FAM83B: variants seen among roughly 807,000 people sequenced by gnomAD.
The protein encoded by FAM83B is scaffolding CK1 anchoring protein B.
Under a neutral mutation model 38.8 loss-of-function variants are expected in FAM83B, and 26 were observed. The observed-to-expected ratio is 0.67, with a 90% CI of 0.49 to 0.93. The LOEUF (loss-of-function observed/expected upper bound fraction) is 0.93. Among genes scored for constraint, FAM83B ranks in the 40% least tolerant of loss-of-function variants. The pLI is 0.00. For missense variants in FAM83B, 1,237 were observed against 1,197.3 expected (o/e 1.03, Z -0.49); for synonymous variants, 419 against 423.1 (o/e 0.99, Z 0.12).
intron 1 of FAM83B, among the ~76,000 whole-genome samples, chr6:54,862,101 T>A (rs1044548408): frequency 1.3e-5 from 2 of 152,192 alleles, no homozygotes; most frequent in Non-Finnish European, 2.9e-5. Flanking sequence ...TTTGTTTTCG[T>A]ATTCCAGCCG....
Position 54,941,946 on chromosome 6 carries a change from A to G in FAM83B, c.2975A>G (p.Asn992Ser), listed in dbSNP as rs373910537. ...NTGVYRSYQP[N>S]ENKFRGFMQK... ...GGTGTTTATCGCTCATATCAACCCA[A>G]TGAGAACAAGTTTCGAGGATTTATG... Residue 992 changes from asparagine (N) to serine (S), a missense_variant, in exon 5 of 5, where the codon AAT becomes AGT. Transcript: ENST00000306858. 9.9e-6 allele frequency: 16 copies of G among 1,612,380 alleles called. No individual in the cohort carries two copies. The Admixed American group carries it at 1.2e-4, about 12-fold the overall frequency.
intron 2 of FAM83B, among the ~76,000 whole-genome samples, chr6:54,875,313 C>T (rs1771964483): frequency 6.6e-6 from 1 of 152,110 alleles, no homozygotes; most frequent in South Asian, 2.1e-4. Context: ...GCAACCATGT[C>T]CTGCCCAGCT....
rs373354993 is a variant in FAM83B at position 54,940,647 on chromosome 6, G to A, written c.1676G>A (p.Cys559Tyr). 1.9e-6 allele frequency: 3 copies of A among 1,613,998 alleles called. No individual in the cohort carries two copies. ...TLPEQKEVNS[C>Y]TTGSSNSTII... ...CCTGAGCAAAAGGAAGTTAACAGTT[G>A]TACAACTGGCTCCTCAAATTCAACT... The change falls in exon 5 of 5, where the codon TGT becomes TAT. Residue 559 changes from cysteine to tyrosine, a missense_variant. Cys to Tyr is a radical substitution (Grantham distance 194). Transcript: ENST00000306858.
chr6:54,943,230 T>G lies in FAM83B; in HGVS notation c.*1223T>G, dbSNP rs1773743529. On this transcript the variant is annotated 3_prime_UTR_variant, in exon 5 of 5. Coordinates refer to ENST00000306858, the MANE Select transcript of FAM83B (RefSeq NM_001010872.3). ...AATATGATATGACTGCATAGTGTTTTTGTAAGAATACCATTGGGAAAATGA... is the reference window on the plus strand; with the variant it reads ...AATATGATATGACTGCATAGTGTTTGTGTAAGAATACCATTGGGAAAATGA... 1 of 151,880 alleles carries G rather than the reference T, an allele frequency of 6.6e-6. No individual in the cohort carries two copies. The highest frequency in any genetic ancestry group is 6.6e-5 in the Admixed American group (1 of 15,262). 9.4% of individuals were successfully genotyped at this position (151,880 alleles called of 1,614,324 possible).
intron 4 of FAM83B, among the ~76,000 whole-genome samples, chr6:54,938,657 T>G (rs1310303472): frequency 6.6e-6 from 1 of 152,194 alleles, no homozygotes; most frequent in Non-Finnish European, 1.5e-5. Context: ...TGTTGGTCAT[T>G]TGTATATTTT....
rs78626209 is a variant in FAM83B at position 54,875,273 on chromosome 6, G to A, written c.444+4583G>A. The stretch of plus-strand genomic sequence containing the variant: ...TGATAGAAATGATTTTTATTGTGTC[G>A]TGATATGTTACTTTCATCCGCATCC... On this transcript the variant is annotated intron_variant, in intron 2 of 4. Transcript: ENST00000306858. Among the ~76,000 whole-genome samples the A allele has an allele frequency of 6.2e-3, 945 of 152,074 alleles. 10 individuals are homozygous for A. Among genetic ancestry groups the A allele is most frequent in the African/African-American group, 0.021 (865 of 41,504 alleles).
chr6:54,940,163 C>T lies in FAM83B; in HGVS notation c.1192C>T (p.Pro398Ser). ...TGCTGGGGAACAGCCAGAAACAGTG[C>T]CATACCTCCTGCTTAATAGGGCTCT... ...SYAGEQPETVPYLLLNRALNR... is the reference protein window; with the variant it reads ...SYAGEQPETVSYLLLNRALNR... Residue 398 changes from proline (P) to serine (S), a missense_variant, in exon 5 of 5, where the codon CCA becomes TCA. Transcript: ENST00000306858. 3 of 1,614,016 alleles carry T rather than the reference C, an allele frequency of 1.9e-6. No individual in the cohort carries two copies. Among genetic ancestry groups the T allele is most frequent in the Non-Finnish European group, 2.5e-6 (3 of 1,179,998 alleles).
rs368876321 is a variant in FAM83B, at chr6:54,940,497, C to A, written c.1526C>A (p.Pro509Gln). The A allele has an allele frequency of 1.9e-6, 3 of 1,614,054 alleles. No individual in the cohort carries two copies. Among genetic ancestry groups the A allele is most frequent in the Non-Finnish European group, 2.5e-6 (3 of 1,180,008 alleles). ...SYLNDHSEAT[P>Q]DSNGSALGDR... Reference sequence around the variant, plus strand: ...TTAAATGATCATTCAGAAGCTACACCGGACTCAAATGGATCAGCTTTAGGT... The same window carrying A: ...TTAAATGATCATTCAGAAGCTACACAGGACTCAAATGGATCAGCTTTAGGT... Residue 509 changes from proline (P) to glutamine (Q), a missense_variant, in exon 5 of 5, where the codon CCG (proline) becomes CAG (glutamine). Coordinates refer to ENST00000306858, the MANE Select transcript of FAM83B (RefSeq NM_001010872.3).
At chr6:54,860,731 A>AGT (rs941058207) in intron 1 of FAM83B, among the ~76,000 whole-genome samples, 5 of 152,244 alleles carry the variant, frequency 3.3e-5, no homozygotes, top group Admixed American at 6.5e-5. Flanking sequence ...ATTATGTGTA[A>AGT]GTGTGTGTAT....
Position 54,939,876 on chromosome 6 carries a change from A to G in FAM83B, c.905A>G (p.Glu302Gly). The change falls in exon 5 of 5, where the codon GAA becomes GGA. Residue 302 changes from glutamate to glycine, a missense_variant. Coordinates refer to ENST00000306858, the MANE Select transcript of FAM83B (RefSeq NM_001010872.3). The part of the protein sequence containing the change: ...ARVKHGKALW[E>G]NGTYQHSVSS... ...GTGAAGCATGGAAAAGCCCTCTGGG[A>G]AAATGGCACTTACCAGCATTCGGTG... 6.2e-7 allele frequency: 1 copy of G among 1,614,070 alleles called. No individual in the cohort carries two copies. The highest frequency in any genetic ancestry group is 8.5e-7 in the Non-Finnish European group (1 of 1,179,980).
chr6:54,882,362 C>T (rs1172135921), intron 2 of FAM83B, among the ~76,000 whole-genome samples: 1 of 152,204 alleles, frequency 6.6e-6, no homozygotes, highest in Non-Finnish European at 1.5e-5. Context: ...TGTATTAACA[C>T]ATTTATCTTC....
Position 54,941,260 on chromosome 6 carries a change from T to A in FAM83B, c.2289T>A (p.Gly763=). Reference sequence around the variant, plus strand: ...TTGCTTCAAAGAAGGAAGTTAAGGGTTCCCCAAGTTTTTTGAAAAAGGGGT... The same window carrying A: ...TTGCTTCAAAGAAGGAAGTTAAGGGATCCCCAAGTTTTTTGAAAAAGGGGT... The part of the protein sequence containing the change: ...KELASKKEVK[G]SPSFLKKGSQ... The change falls in exon 5 of 5, where the codon GGT becomes GGA. Residue 763 remains glycine, a synonymous_variant. Transcript: ENST00000306858. 6.2e-7 allele frequency: 1 copy of A among 1,611,710 alleles called. No individual in the cohort carries two copies. The highest frequency in any genetic ancestry group is 8.5e-7 in the Non-Finnish European group (1 of 1,179,396).
rs917248640 is a variant in FAM83B at position 54,870,192 on chromosome 6, T to A, written c.-55T>A. The stretch of plus-strand genomic sequence containing the variant: ...TTCTTCTTTTCAAATACCAGATACT[T>A]CTCACCACTGCATGAATGGACATTT... On this transcript the variant is annotated 5_prime_UTR_variant, in exon 2 of 5. Transcript: ENST00000306858. 2.9e-6 allele frequency: 4 copies of A among 1,365,112 alleles called. No homozygotes were observed. Among genetic ancestry groups the A allele is most frequent in the Non-Finnish European group, 4.1e-6 (4 of 970,360 alleles). 84.6% of individuals were successfully genotyped at this position (1,365,112 alleles called of 1,614,324 possible). A position where few individuals can be genotyped will look rare whatever the true frequency, so the allele number is the denominator to read the frequency against.
At chr6:54,891,134 C>T (rs1772392353) in intron 2 of FAM83B, among the ~76,000 whole-genome samples, 1 of 152,062 alleles carries the variant, frequency 6.6e-6, no homozygotes, top group Non-Finnish European at 1.5e-5. Context: ...TGCCTTTTAA[C>T]CATTAAACAT....
chr6:54,895,797 G>C (rs1015473333), intron 2 of FAM83B, among the ~76,000 whole-genome samples: 6 of 152,178 alleles, frequency 3.9e-5, no homozygotes, highest in African/African-American at 1.4e-4. Flanking sequence ...CTGGAGTGCA[G>C]TGGGGTGATC....
Position 54,941,920 on chromosome 6 carries a change from T to A in FAM83B, c.2949T>A (p.Thr983=). The change falls in exon 5 of 5, where the codon ACT becomes ACA. Residue 983 remains threonine, a synonymous_variant. Transcript: ENST00000306858. ...GRSSPLLNYN[T]GVYRSYQPNE... ...CTAGTCCATTGCTTAATTACAACACTGGTGTTTATCGCTCATATCAACCCA... is the reference window on the plus strand; with the variant it reads ...CTAGTCCATTGCTTAATTACAACACAGGTGTTTATCGCTCATATCAACCCA... 1 of 1,614,076 alleles carries A rather than the reference T, an allele frequency of 6.2e-7. No homozygotes were observed. Among genetic ancestry groups the A allele is most frequent in the Non-Finnish European group, 8.5e-7 (1 of 1,179,990 alleles).
chr6:54,941,285 T>A lies in FAM83B; in HGVS notation c.2314T>A (p.Ser772Thr), dbSNP rs755692820. ...TTCCCCAAGTTTTTTGAAAAAGGGGTCTCAGAAGTTAAGGTCATTACTTAG... is the reference window on the plus strand; with the variant it reads ...TTCCCCAAGTTTTTTGAAAAAGGGGACTCAGAAGTTAAGGTCATTACTTAG... ...KGSPSFLKKG[S>T]QKLRSLLSLT... The change falls in exon 5 of 5, where the codon TCT (serine) becomes ACT (threonine). Residue 772 changes from serine (S) to threonine (T), a missense_variant. Ser to Thr is a moderately conservative substitution (Grantham distance 58). Transcript: ENST00000306858. The A allele has an allele frequency of 6.2e-7, 1 of 1,610,732 alleles. No individual in the cohort carries two copies. The highest frequency in any genetic ancestry group is 1.1e-5 in the South Asian group (1 of 90,198).
In FAM83B at chr6:54,940,303, T is replaced by A. The variant is rs1047039605; in HGVS notation, c.1332T>A (p.Phe444Leu). Residue 444 changes from phenylalanine (F) to leucine (L), a missense_variant, in exon 5 of 5, where the codon TTT becomes TTA. By Grantham distance (22) the Phe-to-Leu change is conservative. Coordinates refer to ENST00000306858, the MANE Select transcript of FAM83B (RefSeq NM_001010872.3). The stretch of plus-strand genomic sequence containing the variant: ...ACCACAACACACCTGCCCAGAGTTT[T>A]GCCAATCGGCTTGCGCAGAGAAAAA... ...VSHHNTPAQS[F>L]ANRLAQRKTT... 21 of 1,613,950 alleles carry A rather than the reference T, an allele frequency of 1.3e-5. No individual in the cohort carries two copies. The highest frequency in any genetic ancestry group is 1.8e-5 in the Non-Finnish European group (21 of 1,180,010).
intron 1 of FAM83B, among the ~76,000 whole-genome samples, chr6:54,849,607 A>C (rs1771223925): frequency 6.6e-6 from 1 of 151,502 alleles, no homozygotes; most frequent in Non-Finnish European, 1.5e-5. Context: ...CAAATATGAG[A>C]GATATTCATT....
Sources: allele counts gnomAD v4.1 joint callset (sites outside exome capture counted in the v4.1 genomes callset), GRCh38; gene constraint gnomAD v4.1.1; transcripts MANE v1.5; gene names NCBI Gene and HGNC (gene_info 2026-07-23, HGNC 2026-07-21).